The following TAS1R1 variants were observed in gnomAD, a reference collection of about 807,000 sequenced individuals.
The protein encoded by TAS1R1 is taste 1 receptor member 1.
TAS1R1 carries 31 observed loss-of-function variants against 45.8 expected under a neutral mutation model. The ratio of observed to expected loss-of-function variants is 0.68; its 90% confidence interval spans 0.51 to 0.91. The LOEUF is 0.91. TAS1R1 is among the 40% of genes least tolerant of loss of function. The pLI, the probability that TAS1R1 is intolerant of heterozygous loss-of-function variation, is 0.00. For missense variants in TAS1R1, 1,051 were observed against 1,063.9 expected (o/e 0.99, Z 0.17); for synonymous variants, 437 against 448.4 (o/e 0.97, Z 0.32).
chr1:6,560,044 C>A (rs1467379667), intron 1 of TAS1R1, among the ~76,000 whole-genome samples: 1 of 150,696 alleles, frequency 6.6e-6, no homozygotes, highest in African/African-American at 2.5e-5. Context: ...TCACTGTAAT[C>A]CCAGCACTTT....
At chr1:6,568,225 G>A (rs867514384) in intron 1 of TAS1R1, among the ~76,000 whole-genome samples, 6 of 151,866 alleles carry the variant, frequency 4.0e-5, no homozygotes, top group Non-Finnish European at 7.4e-5. Flanking sequence ...TGAGGTGGGC[G>A]GATCACAAGG....
intron 2 of TAS1R1, among the ~76,000 whole-genome samples, chr1:6,573,574 T>C (rs1195891769): frequency 6.6e-6 from 1 of 152,248 alleles, no homozygotes; most frequent in Non-Finnish European, 1.5e-5. Flanking sequence ...ACTGGTTTCG[T>C]GGAAGACAAT....
intron 1 of TAS1R1, among the ~76,000 whole-genome samples, chr1:6,570,477 A>T (rs1178564088): frequency 6.7e-6 from 1 of 149,940 alleles, no homozygotes; most frequent in Non-Finnish European, 1.5e-5. Flanking sequence ...AAGTTTCTGC[A>T]CAAGGAGGGA....
chr1:6,579,404 C>T lies in TAS1R1; in HGVS notation c.2346C>T (p.Val782=). 6.2e-7 allele frequency: 1 copy of T among 1,613,990 alleles called. No homozygotes were observed. Among genetic ancestry groups the T allele is most frequent in the Middle Eastern group, 1.6e-4 (1 of 6,062 alleles). The change falls in exon 6 of 6, where the codon GTC becomes GTT. Residue 782 remains valine (V), a synonymous_variant. Transcript: ENST00000333172. ...SWIAFFTTAS[V]YDGKYLPAAN... ...TCGCCTTCTTCACCACGGCCAGCGT[C>T]TACGACGGCAAGTACCTGCCTGCGG...
Position 6,579,315 on chromosome 1 carries a change from C to T in TAS1R1, c.2257C>T (p.Pro753Ser). 6.2e-7 allele frequency: 1 copy of T among 1,614,204 alleles called. No individual in the cohort carries two copies. The highest frequency in any genetic ancestry group is 8.5e-7 in the Non-Finnish European group (1 of 1,180,046). Residue 753 changes from proline (P) to serine (S), a missense_variant, in exon 6 of 6, where the codon CCA (proline) becomes TCA (serine). Physicochemically the swap from Pro to Ser is moderately conservative, Grantham distance 74. Transcript: ENST00000333172. ...FACSYLGKDL[P>S]ENYNEAKCVT... ...CTGCAGCTACCTGGGTAAGGACTTG[C>T]CAGAGAACTACAACGAGGCCAAATG...
At chr1:6,555,677 C>A in intron 1 of TAS1R1, 113 bp downstream of exon 1, 1 of 1,021,652 alleles carries the variant, frequency 9.8e-7, no homozygotes, top group Non-Finnish European at 1.4e-6. Context: ...TGAACTGTCC[C>A]CAGGCCTTGT....
Position 6,555,322 on chromosome 1 carries a change from G to T in TAS1R1, c.-52G>T. ...CAGCTGCCTTCTATTTAAGCAACTG[G>T]CCTCCTTAGAGGCCACTCCTTGGCC... On this transcript the variant is annotated 5_prime_UTR_variant, in exon 1 of 6. Transcript: ENST00000333172. The T allele has an allele frequency of 2.0e-6, 3 of 1,478,642 alleles. No homozygotes were observed. In the Admixed American group the frequency reaches 6.8e-5, roughly 33 times the overall value. The allele number at this position is 1,478,642 out of a possible 1,614,324, so 91.6% of individuals were successfully genotyped here. A position where few individuals can be genotyped will look rare whatever the true frequency, so the allele number is the denominator to read the frequency against.
At chr1:6,577,234 C>T (rs1338439882) in intron 5 of TAS1R1, among the ~76,000 whole-genome samples, 164 bp downstream of exon 5, 1 of 152,260 alleles carries the variant, frequency 6.6e-6, no homozygotes, top group Non-Finnish European at 1.5e-5. Context: ...AGACAGAATT[C>T]TGATCAAGAG....
intron 1 of TAS1R1, among the ~76,000 whole-genome samples, chr1:6,563,351 G>A (rs1266197297): frequency 4.6e-5 from 7 of 152,224 alleles, no homozygotes; most frequent in South Asian, 2.1e-4. Flanking sequence ...GACCGGTGCC[G>A]GCGGCCACAG....
At chr1:6,568,090 A>G (rs1206882845) in intron 1 of TAS1R1, among the ~76,000 whole-genome samples, 1 of 152,088 alleles carries the variant, frequency 6.6e-6, no homozygotes, top group Non-Finnish European at 1.5e-5. Flanking sequence ...TTTGAGGGCC[A>G]TCTTCAGCCT....
At chr1:6,559,779 T>C (rs1164844659) in intron 1 of TAS1R1, among the ~76,000 whole-genome samples, 3 of 150,940 alleles carry the variant, frequency 2.0e-5, no homozygotes, top group Non-Finnish European at 4.4e-5. Context: ...TCACCTGAGG[T>C]CAGGAGTTCA....
chr1:6,576,378 C>CT, intron 3 of TAS1R1, 37 bp from the exon 4 acceptor site: 1 of 1,605,694 alleles, frequency 6.2e-7, no homozygotes, highest in African/African-American at 1.3e-5. Flanking sequence ...TGGGTCTGTG[C>CT]TGTCTGTGGT....
Position 6,574,550 on chromosome 1 carries a change from G to C in TAS1R1, c.499-81G>C. The C allele has an allele frequency of 1.3e-6, 2 of 1,504,542 alleles. No individual in the cohort carries two copies. Among genetic ancestry groups the C allele is most frequent in the Non-Finnish European group, 1.8e-6 (2 of 1,125,450 alleles). The allele number at this position is 1,504,542 out of a possible 1,614,324, so 93.2% of individuals were successfully genotyped here. A position where few individuals can be genotyped will look rare whatever the true frequency, so the allele number is the denominator to read the frequency against. ...GCTCTCCTGGTCTCCCCGGCTCCCT[G>C]TATCCCCACACCCAGCACAGGGCCA... On this transcript the variant is annotated intron_variant, in intron 2 of 5. Coordinates refer to ENST00000333172, the MANE Select transcript of TAS1R1 (RefSeq NM_138697.4). This position sits in a 1 kb window ranked among gnomAD's most constrained non-coding sequence, Gnocchi z 4.3.
rs1640275705 is a variant in TAS1R1 at position 6,578,882 on chromosome 1, G to T, written c.1824G>T (p.Met608Ile). The change falls in exon 6 of 6, where the codon ATG (methionine) becomes ATT (isoleucine). Residue 608 changes from methionine (M) to isoleucine (I), a missense_variant. By Grantham distance (10) the Met-to-Ile change is conservative. Coordinates refer to ENST00000333172, the MANE Select transcript of TAS1R1 (RefSeq NM_138697.4). ...RSAGGRLCFL[M>I]LGSLAAGSGS... Reference sequence around the variant, plus strand: ...CAGGGGGCCGCCTGTGCTTTCTTATGCTGGGCTCCCTGGCAGCAGGTAGTG... The same window carrying T: ...CAGGGGGCCGCCTGTGCTTTCTTATTCTGGGCTCCCTGGCAGCAGGTAGTG... 6.2e-7 allele frequency: 1 copy of T among 1,609,814 alleles called. No individual in the cohort carries two copies. The highest frequency in any genetic ancestry group is 1.1e-5 in the South Asian group (1 of 90,780).
chr1:6,579,687 G>T lies in TAS1R1; in HGVS notation c.*103G>T. 6.8e-7 allele frequency: 1 copy of T among 1,462,104 alleles called. No homozygotes were observed. Among genetic ancestry groups the T allele is most frequent in the Non-Finnish European group, 9.0e-7 (1 of 1,109,484 alleles). 90.6% of individuals were successfully genotyped at this position (1,462,104 alleles called of 1,614,324 possible). A position where few individuals can be genotyped will look rare whatever the true frequency, so the allele number is the denominator to read the frequency against. Reference sequence around the variant, plus strand: ...AGGTCTTTGGGCATCGCGGTCTGGGGTTGGGACGTGTAAGCGCCTGGGAGA... The same window carrying T: ...AGGTCTTTGGGCATCGCGGTCTGGGTTTGGGACGTGTAAGCGCCTGGGAGA... On this transcript the variant is annotated 3_prime_UTR_variant, in exon 6 of 6. Coordinates refer to ENST00000333172, the MANE Select transcript of TAS1R1 (RefSeq NM_138697.4).
chr1:6,575,693 T>TTC (rs1640151851), intron 3 of TAS1R1, among the ~76,000 whole-genome samples: 2 of 55,928 alleles, frequency 3.6e-5, no homozygotes, highest in Admixed American at 1.5e-4. Context: ...TAATTTTTCT[T>TTC]TTCTTTTTTT....
rs765400354 is a variant in TAS1R1 at position 6,574,984 on chromosome 1, C to T, written c.852C>T (p.Phe284=). ...FSSRQLARVF[F]ESVVLTNLTG... ...GCCGGCAGTTGGCCAGGGTGTTTTTCGAGTCCGTGGTGCTGACCAACCTGA... is the reference window on the plus strand; with the variant it reads ...GCCGGCAGTTGGCCAGGGTGTTTTTTGAGTCCGTGGTGCTGACCAACCTGA... The change falls in exon 3 of 6, where the codon TTC becomes TTT. Residue 284 remains phenylalanine, a synonymous_variant. Transcript: ENST00000333172. The surrounding 1 kb of genome is among the most constrained non-coding windows in gnomAD (Gnocchi z 4.3). 1.6e-5 allele frequency: 25 copies of T among 1,601,532 alleles called. No individual in the cohort carries two copies. In the Admixed American group the frequency reaches 1.9e-4, roughly 12 times the overall value.
At chr1:6,557,699 A>G (rs1639710018) in intron 1 of TAS1R1, among the ~76,000 whole-genome samples, 1 of 152,194 alleles carries the variant, frequency 6.6e-6, no homozygotes, top group Admixed American at 6.5e-5. Context: ...GGCCTCCCAC[A>G]GCATTGGGAT....
chr1:6,571,769 G>A (rs1215708945), intron 2 of TAS1R1, among the ~76,000 whole-genome samples: 2 of 152,134 alleles, frequency 1.3e-5, no homozygotes, highest in Non-Finnish European at 2.9e-5. Context: ...GCAGTGAGCT[G>A]AGATTGCACC....
Sources: allele counts gnomAD v4.1 joint callset (sites outside exome capture counted in the v4.1 genomes callset), GRCh38; gene constraint gnomAD v4.1.1; non-coding constraint Gnocchi (gnomAD v3.1); transcripts MANE v1.5; gene names NCBI Gene and HGNC (gene_info 2026-07-23, HGNC 2026-07-21).